VPS8: variants seen among roughly 807,000 people sequenced by gnomAD.
The protein encoded by VPS8 is VPS8 subunit of CORVET complex.
Under a neutral mutation model 216.4 loss-of-function variants are expected in VPS8, and 129 were observed. The observed-to-expected ratio is 0.60, with a 90% CI of 0.52 to 0.69. VPS8 has a LOEUF of 0.69. Ranked by LOEUF, VPS8 falls within the 30% of genes least tolerant of loss-of-function variation. VPS8 has a pLI of 0.00. For synonymous variants in VPS8, 571 were observed against 565.4 expected (o/e 1.01, Z -0.14); for missense variants, 1,531 against 1,683.5 (o/e 0.91, Z 1.59).
In VPS8 at chr3:184,996,347, A is replaced by C; in HGVS notation, c.3682A>C (p.Thr1228Pro). Residue 1228 changes from threonine (T) to proline (P), a missense_variant, in exon 44 of 48, where the codon ACA (threonine) becomes CCA (proline). Thr to Pro is a conservative substitution (Grantham distance 38). Transcript: ENST00000625842. Reference protein sequence around the residue: ...FNYEQTLLETTTSLLNQDLHW... With the variant: ...FNYEQTLLETPTSLLNQDLHW... ...TGTTTCATAGACCCTGCTGGAAACAACAACCAGCCTTCTAAACCAAGATCT... is the reference window on the plus strand; with the variant it reads ...TGTTTCATAGACCCTGCTGGAAACACCAACCAGCCTTCTAAACCAAGATCT... The C allele has an allele frequency of 1.2e-6, 2 of 1,612,066 alleles. No homozygotes were observed. The highest frequency in any genetic ancestry group is 1.7e-6 in the Non-Finnish European group (2 of 1,179,176).
At chr3:184,813,534 G>T (rs1378443895) in intron 1 of VPS8, among the ~76,000 whole-genome samples, 1 of 152,118 alleles carries the variant, frequency 6.6e-6, no homozygotes, top group Non-Finnish European at 1.5e-5. Context: ...GAATCCTCTG[G>T]CAATAGCTGG....
chr3:184,886,459 GTATA>G (rs34820398), intron 22 of VPS8, among the ~76,000 whole-genome samples: 1 of 149,640 alleles, frequency 6.7e-6, no homozygotes, highest in Non-Finnish European at 1.5e-5. Flanking sequence ...TTCATTATAT[GTATA>G]TATATATACA....
intron 40 of VPS8, among the ~76,000 whole-genome samples, chr3:184,978,599 C>T (rs1749698464): frequency 6.6e-6 from 1 of 152,078 alleles, no homozygotes; most frequent in Non-Finnish European, 1.5e-5. Context: ...AGGGTCTCCC[C>T]AGGTTGCTCA....
chr3:184,983,065 C>G lies in VPS8; in HGVS notation c.3556C>G (p.Leu1186Val). ...VLNSMAAFIA[L>V]PSILQRILQD... ...AAATAGCATGGCAGCATTTATTGCCCTTCCATCAATCTTGCAAAGAATCTT... is the reference window on the plus strand; with the variant it reads ...AAATAGCATGGCAGCATTTATTGCCGTTCCATCAATCTTGCAAAGAATCTT... The change falls in exon 42 of 48, where the codon CTT becomes GTT. Residue 1186 changes from leucine (L) to valine (V), a missense_variant. By Grantham distance (32) the Leu-to-Val change is conservative. This residue lies in a region of VPS8 where 1,318 missense variants were observed against 1,468.4 expected (regional missense o/e 0.90). Coordinates refer to ENST00000625842, the MANE Select transcript of VPS8 (RefSeq NM_001009921.3). 6.2e-7 allele frequency: 1 copy of G among 1,609,434 alleles called. No individual in the cohort carries two copies.
At chr3:184,924,447 G>T (rs1739196296) in intron 29 of VPS8, among the ~76,000 whole-genome samples, 1 of 152,086 alleles carries the variant, frequency 6.6e-6, no homozygotes, top group African/African-American at 2.4e-5. Flanking sequence ...AACCCAAGAG[G>T]TGGAGGTTGC....
intron 18 of VPS8, among the ~76,000 whole-genome samples, chr3:184,868,674 A>T (rs1442520962): frequency 6.6e-6 from 1 of 152,186 alleles, no homozygotes; most frequent in Non-Finnish European, 1.5e-5. Flanking sequence ...CAATGTTGTG[A>T]TAAACAACTA....
intron 42 of VPS8, among the ~76,000 whole-genome samples, chr3:184,985,700 G>T (rs1407760883): frequency 6.6e-6 from 1 of 152,120 alleles, no homozygotes; most frequent in African/African-American, 2.4e-5. Context: ...GTGCTTTCCA[G>T]GACATTTTGG....
intron 1 of VPS8, chr3:184,815,930 T>C (rs1201865878): frequency 6.6e-6 from 1 of 152,116 alleles, no homozygotes; most frequent in African/African-American, 2.4e-5. Flanking sequence ...AAGGCCATCA[T>C]CTACTCAGCC....
chr3:185,019,692 A>C (rs981620774), intron 45 of VPS8, among the ~76,000 whole-genome samples: 2 of 152,212 alleles, frequency 1.3e-5, no homozygotes, highest in African/African-American at 4.8e-5. Flanking sequence ...GTAAACCCAC[A>C]ACCTTCCAGC....
intron 43 of VPS8, among the ~76,000 whole-genome samples, 161 bp downstream of exon 43, chr3:184,994,224 A>G (rs757198866): frequency 6.6e-6 from 1 of 152,086 alleles, no homozygotes; most frequent in Admixed American, 6.5e-5. Flanking sequence ...TTCTCTCGCC[A>G]GGCATGGTAA....
rs538530619 is a variant in VPS8, at chr3:184,936,139, C to T, written c.2899-107C>T. The T allele has an allele frequency of 3.2e-4, 281 of 881,838 alleles. 2 individuals carry two copies. In the African/African-American group the frequency reaches 4.1e-3, roughly 13 times the overall value. The allele number at this position is 881,838 out of a possible 1,614,324, so 54.6% of individuals were successfully genotyped here. On this transcript the variant is annotated intron_variant, in intron 34 of 47. Coordinates refer to ENST00000625842, the MANE Select transcript of VPS8 (RefSeq NM_001009921.3). ...TATATCAAGGTCTGCTGAAATGCAG[C>T]ATGGAAGCTTGCGACTGTATTGAGG... is the stretch of plus-strand genomic sequence containing the variant.
intron 36 of VPS8, among the ~76,000 whole-genome samples, chr3:184,945,406 G>A (rs1420330865): frequency 6.6e-6 from 1 of 151,912 alleles, no homozygotes; most frequent in African/African-American, 2.4e-5. Flanking sequence ...TGCCTTCAGA[G>A]AATTTACATT....
intron 1 of VPS8, 74 bp from the exon 2 acceptor site, chr3:184,824,471 A>C: frequency 1.4e-6 from 1 of 736,884 alleles, no homozygotes. Context: ...AGTCTTTGGA[A>C]TGTCCAATTG....
rs9830734 is a variant in VPS8, at chr3:184,832,713, A to G, written c.247A>G (p.Ile83Val). 535,099 of 1,597,100 alleles carry G rather than the reference A, an allele frequency of 0.34. 99,319 individuals carry two copies. Among genetic ancestry groups the G allele is most frequent in the African/African-American group, 0.66 (49,195 of 74,366 alleles). Residue 83 changes from isoleucine to valine, a missense_variant, in exon 4 of 48, where the codon ATT becomes GTT. Ile to Val is a conservative substitution (Grantham distance 29, BLOSUM62 3). Coordinates refer to ENST00000625842, the MANE Select transcript of VPS8 (RefSeq NM_001009921.3). ...NETDDEDESF[I>V]LEDPTLLNID... ...GACTGATGATGAAGATGAGTCTTTTATTCTTGAGGATCCTACATTGTTAAA... is the reference window on the plus strand; with the variant it reads ...GACTGATGATGAAGATGAGTCTTTTGTTCTTGAGGATCCTACATTGTTAAA...
At chr3:184,826,321 G>T in intron 3 of VPS8, 90 bp downstream of exon 3, 3 of 902,488 alleles carry the variant, frequency 3.3e-6, no homozygotes, top group Non-Finnish European at 5.0e-6. Context: ...ACCTAGATGC[G>T]CACTTTCCAG....
intron 14 of VPS8, among the ~76,000 whole-genome samples, chr3:184,858,385 C>G (rs1725673562): frequency 6.6e-6 from 1 of 152,108 alleles, no homozygotes; most frequent in Non-Finnish European, 1.5e-5. Flanking sequence ...TCATCTTGTT[C>G]AAGATACTTT....
At chr3:184,933,311 A>G (rs1342510184) in intron 34 of VPS8, among the ~76,000 whole-genome samples, 1 of 152,162 alleles carries the variant, frequency 6.6e-6, no homozygotes, top group Non-Finnish European at 1.5e-5. Flanking sequence ...AATTACTAAT[A>G]AGACTGACAG....
At chr3:184,942,721 A>G (rs930518935) in intron 36 of VPS8, among the ~76,000 whole-genome samples, 4 of 152,204 alleles carry the variant, frequency 2.6e-5, no homozygotes, top group Non-Finnish European at 5.9e-5. Flanking sequence ...GGAGGCAGGC[A>G]TTGATTTAGA....
chr3:184,903,170 A>C (rs1237311324), intron 25 of VPS8, among the ~76,000 whole-genome samples: 1 of 152,114 alleles, frequency 6.6e-6, no homozygotes, highest in Admixed American at 6.5e-5. Flanking sequence ...CCAGTAATGC[A>C]CTGTCTTGCT....
Sources: gnomAD v4.1 joint callset for allele counts (sites outside exome capture counted in the v4.1 genomes callset) on GRCh38, gnomAD v4.1.1 for gene constraint, gnomAD v4.1.1 regional missense constraint, MANE v1.5 for transcripts, NCBI Gene and HGNC (gene_info 2026-07-23, HGNC 2026-07-21) for gene names.